PDE9A: variants seen among roughly 807,000 people sequenced by gnomAD.
The protein encoded by PDE9A is high affinity cGMP-specific 3',5'-cyclic phosphodiesterase 9A.
A neutral mutation model predicts 87.4 loss-of-function variants in PDE9A; 60 were observed. The observed-to-expected ratio is 0.69, with a 90% confidence interval of 0.56 to 0.85. The LOEUF is 0.85. Among genes scored for constraint, PDE9A ranks in the 40% least tolerant of loss-of-function variants. The probability of loss-of-function intolerance (pLI) is 0.00; values close to 1 mark genes in which losing one functional copy is unlikely to be tolerated. For missense variants in PDE9A, 665 were observed against 779.0 expected (o/e 0.85, Z 1.74); for synonymous variants, 272 against 279.4 (o/e 0.97, Z 0.27).
At chr21:42,753,287 T>C (rs2054626084) in intron 9 of PDE9A, among the ~76,000 whole-genome samples, 1 of 152,230 alleles carries the variant, frequency 6.6e-6, no homozygotes, top group Non-Finnish European at 1.5e-5. Context: ...ATTACAAGCA[T>C]GAGCCACCAT....
intron 7 of PDE9A, among the ~76,000 whole-genome samples, chr21:42,738,677 G>A (rs2052747266): frequency 6.6e-6 from 1 of 152,114 alleles, no homozygotes; most frequent in Non-Finnish European, 1.5e-5. Context: ...CTCTTTCAAA[G>A]CCCTTTTTTG....
rs1480810388 is a variant in PDE9A, at chr21:42,723,712, C to G, written c.263-8058C>G. Among the ~76,000 whole-genome samples the G allele has an allele frequency of 6.6e-6, 1 of 152,132 alleles. No homozygotes were observed. The highest frequency in any genetic ancestry group is 2.4e-5 in the African/African-American group (1 of 41,402). The stretch of plus-strand genomic sequence containing the variant: ...GCTTGCTCTCCCTAGGTTTCCATCA[C>G]ATGGATCAGCGAGAGTTAATGCTGA... On this transcript the variant is annotated intron_variant, in intron 4 of 19. Transcript: ENST00000291539. The surrounding 1 kb of genome is among the most constrained non-coding windows in gnomAD (Gnocchi z 4.3).
Position 42,743,775 on chromosome 21 carries a change from G to T in PDE9A, c.569-1G>T. 1 of 1,577,954 alleles carries T rather than the reference G, an allele frequency of 6.3e-7. No homozygotes were observed. Among genetic ancestry groups the T allele is most frequent in the Admixed American group, 1.8e-5 (1 of 56,818 alleles). On this transcript the variant is annotated splice_acceptor_variant, in intron 7 of 19. Transcript: ENST00000291539. LOFTEE classifies it high-confidence loss of function. ...CTTGCTGTCTCTCTCTCTGTCACCAGTGGAAGGACTAAAAGTGGTGGAGAT... is the reference window on the plus strand; with the variant it reads ...CTTGCTGTCTCTCTCTCTGTCACCATTGGAAGGACTAAAAGTGGTGGAGAT...
chr21:42,691,015 A>G (rs2059798095), intron 3 of PDE9A, among the ~76,000 whole-genome samples: 1 of 150,976 alleles, frequency 6.6e-6, no homozygotes, highest in African/African-American at 2.4e-5. Context: ...ATCACCATCC[A>G]AAGTCACCAG....
chr21:42,663,171 C>T (rs955409606), intron 1 of PDE9A, among the ~76,000 whole-genome samples: 3 of 150,122 alleles, frequency 2.0e-5, no homozygotes, highest in Admixed American at 6.6e-5. Flanking sequence ...ATCACACACA[C>T]ATCACACACA....
At chr21:42,714,016 A>T (rs1372660032) in intron 4 of PDE9A, among the ~76,000 whole-genome samples, 44 of 90,402 alleles carry the variant, frequency 4.9e-4, no homozygotes, top group East Asian at 5.9e-4. Context: ...TTTCATTCCA[A>T]TTTTTTTTTT....
chr21:42,670,295 A>G (rs530927819), intron 1 of PDE9A, among the ~76,000 whole-genome samples: 47 of 145,568 alleles, frequency 3.2e-4, no homozygotes, highest in Non-Finnish European at 5.4e-4. Flanking sequence ...ATACACATTC[A>G]CACACATACA....
intron 4 of PDE9A, among the ~76,000 whole-genome samples, chr21:42,727,489 A>ATTTTTTTTTTTTTT (rs58515760): frequency 6.8e-5 from 6 of 88,340 alleles, no homozygotes; most frequent in African/African-American, 2.0e-4. Flanking sequence ...ACGCCTGGCT[A>ATTTTTTTTTTTTTT]TTTTTTTTTT....
At chr21:42,733,295 G>A in intron 6 of PDE9A, 61 bp from the exon 7 acceptor site, 4 of 976,014 alleles carry the variant, frequency 4.1e-6, no homozygotes, top group South Asian at 1.3e-5. Context: ...TTGCTTAACC[G>A]GTTTTGGCTC....
At chr21:42,772,006 C>T (rs1486412660) in intron 18 of PDE9A, among the ~76,000 whole-genome samples, 3 of 152,314 alleles carry the variant, frequency 2.0e-5, no homozygotes, top group Non-Finnish European at 2.9e-5. Context: ...GTGGGCCCTC[C>T]GAGAGCCATA....
At chr21:42,741,837 T>G (rs1166705562) in intron 7 of PDE9A, 1 of 152,206 alleles carries the variant, frequency 6.6e-6, no homozygotes, top group Non-Finnish European at 1.5e-5. Context: ...AGGCTCTGAG[T>G]TGCTTGGTTT....
intron 1 of PDE9A, among the ~76,000 whole-genome samples, chr21:42,658,081 G>C (rs2269130): frequency 0.25 from 37,510 of 152,142 alleles, 4,697 homozygotes; most frequent in East Asian, 0.33. Context: ...GCCTCCACCC[G>C]ACCTATGCCT....
chr21:42,763,844 C>T (rs534919617), intron 14 of PDE9A, among the ~76,000 whole-genome samples: 2 of 152,320 alleles, frequency 1.3e-5, no homozygotes, highest in East Asian at 1.9e-4. Context: ...CATGGCTTTC[C>T]AATTTGTCTA....
In PDE9A at chr21:42,698,558, A is replaced by G. The variant is rs1437856143; in HGVS notation, c.219-410A>G. Reference sequence around the variant, plus strand: ...CATTTTCGACTTCATCACTGTCACCATCCTCTCTTGTTCATTTGGGGGATA... The same window carrying G: ...CATTTTCGACTTCATCACTGTCACCGTCCTCTCTTGTTCATTTGGGGGATA... On this transcript the variant is annotated intron_variant, in intron 3 of 19. Transcript: ENST00000291539. 2.6e-5 allele frequency among the ~76,000 whole-genome samples: 4 copies of G among 152,030 alleles called. No individual in the cohort carries two copies. The South Asian group carries it at 8.3e-4, about 32-fold the overall frequency.
In PDE9A at chr21:42,768,678, T is replaced by G. The variant is rs1004884328; in HGVS notation, c.1462-349T>G. 4.1e-6 allele frequency: 4 copies of G among 985,286 alleles called. No homozygotes were observed. In the South Asian group the frequency reaches 1.4e-4, roughly 35 times the overall value. The allele number at this position is 985,286 out of a possible 1,614,324, so 61.0% of individuals were successfully genotyped here. On this transcript the variant is annotated intron_variant, in intron 16 of 19. Coordinates refer to ENST00000291539, the MANE Select transcript of PDE9A (RefSeq NM_002606.3). Reference sequence around the variant, plus strand: ...ATGGCCACGGGGAAGGTCGGGGACATAGAAAACCAAGCCAGCTGAAAACAA... The same window carrying G: ...ATGGCCACGGGGAAGGTCGGGGACAGAGAAAACCAAGCCAGCTGAAAACAA...
intron 1 of PDE9A, among the ~76,000 whole-genome samples, chr21:42,654,342 T>G (rs901503770): frequency 2.0e-5 from 3 of 151,962 alleles, no homozygotes; most frequent in Admixed American, 2.0e-4. Flanking sequence ...AGAGGGGGAC[T>G]CGGGCCGCTG....
At chr21:42,716,326 A>G (rs1602232760) in intron 4 of PDE9A, among the ~76,000 whole-genome samples, 1 of 151,822 alleles carries the variant, frequency 6.6e-6, no homozygotes, top group Middle Eastern at 3.4e-3. Flanking sequence ...TTCCAAAGTG[A>G]CTGGGCCATT....
At chr21:42,717,571 T>C (rs1473287236) in intron 4 of PDE9A, among the ~76,000 whole-genome samples, 1 of 151,420 alleles carries the variant, frequency 6.6e-6, no homozygotes, top group Non-Finnish European at 1.5e-5. Flanking sequence ...TTTGTATTTT[T>C]AGTAGAGACG....
At chr21:42,768,079 G>A in intron 15 of PDE9A, 109 bp from the exon 16 acceptor site, 6 of 714,176 alleles carry the variant, frequency 8.4e-6, no homozygotes, top group South Asian at 1.6e-5. Context: ...GCATGGTCCA[G>A]CAGGTCCTCC....
Sources: allele counts gnomAD v4.1 joint callset (sites outside exome capture counted in the v4.1 genomes callset), GRCh38; gene constraint gnomAD v4.1.1; non-coding constraint Gnocchi (gnomAD v3.1); transcripts MANE v1.5; gene names NCBI Gene and HGNC (gene_info 2026-07-23, HGNC 2026-07-21).